Variants in BRINP3 observed in about 807,000 individuals in gnomAD.
The protein encoded by BRINP3 is BMP/retinoic acid inducible neural specific 3.
A neutral mutation model predicts 71.0 loss-of-function variants in BRINP3; 19 were observed. That is an observed-to-expected ratio of 0.27 (90% CI 0.19 to 0.39). The LOEUF (loss-of-function observed/expected upper bound fraction) is 0.39. Ranked by LOEUF, BRINP3 falls within the 10% of genes least tolerant of loss-of-function variation. BRINP3 has a pLI of 1.00. For missense variants in BRINP3, 959 were observed against 940.8 expected (o/e 1.02, Z -0.25); for synonymous variants, 380 against 337.7 (o/e 1.13, Z -1.37).
In BRINP3 at chr1:190,098,142, C is replaced by T. The variant is rs766832326; in HGVS notation, c.2177G>A (p.Cys726Tyr). 1 of 1,614,134 alleles carries T rather than the reference C, an allele frequency of 6.2e-7. No individual in the cohort carries two copies. Among genetic ancestry groups the T allele is most frequent in the Admixed American group, 1.7e-5 (1 of 60,020 alleles). The part of the protein sequence containing the change: ...PGQRRLDLFS[C>Y]LLRHRLKLST... ...CAGCTTGAGTCTATGACGAAGCAAG[C>T]AAGAGAAAAGATCTAGACGACGCTG... The change falls in exon 8 of 8, where the codon TGC (cysteine) becomes TAC (tyrosine). Residue 726 changes from cysteine (C) to tyrosine (Y), a missense_variant. By Grantham distance (194) the Cys-to-Tyr change is radical. Coordinates refer to ENST00000367462, the MANE Select transcript of BRINP3 (RefSeq NM_199051.3).
intron 4 of BRINP3, among the ~76,000 whole-genome samples, chr1:190,254,321 T>A (rs1342614236): frequency 6.6e-6 from 1 of 152,110 alleles, no homozygotes; most frequent in Non-Finnish European, 1.5e-5. Context: ...AAGTCATTTG[T>A]AGATTGATGG....
intron 2 of BRINP3, among the ~76,000 whole-genome samples, chr1:190,409,153 G>A (rs564688752): frequency 6.6e-6 from 1 of 152,222 alleles, no homozygotes; most frequent in African/African-American, 2.4e-5. Flanking sequence ...TGTAATCCCA[G>A]CACTTTGGGA....
At chr1:190,104,659 C>T (rs1016112082) in intron 7 of BRINP3, among the ~76,000 whole-genome samples, 10 of 151,966 alleles carry the variant, frequency 6.6e-5, no homozygotes, top group Admixed American at 2.6e-4. Context: ...TGTATGACTT[C>T]TTTGTGATCC....
At chr1:190,135,021 T>C (rs897962208) in intron 7 of BRINP3, among the ~76,000 whole-genome samples, 2 of 152,126 alleles carry the variant, frequency 1.3e-5, no homozygotes, top group Non-Finnish European at 1.5e-5. Flanking sequence ...AGTAAATGTA[T>C]ATACATCAAT....
intron 2 of BRINP3, among the ~76,000 whole-genome samples, chr1:190,453,601 C>T (rs1675797126): frequency 6.6e-6 from 1 of 152,020 alleles, no homozygotes; most frequent in Non-Finnish European, 1.5e-5. Context: ...TAAGGGATTT[C>T]TTATTTTTGA....
At chr1:190,106,596 C>T (rs898191502) in intron 7 of BRINP3, among the ~76,000 whole-genome samples, 1 of 151,300 alleles carries the variant, frequency 6.6e-6, no homozygotes. Context: ...AGAGAGGAAG[C>T]TAGAAAAGCA....
intron 7 of BRINP3, among the ~76,000 whole-genome samples, chr1:190,138,784 C>A (rs1655184465): frequency 6.6e-6 from 1 of 152,048 alleles, no homozygotes; most frequent in Non-Finnish European, 1.5e-5. Context: ...TCTTTGTGTC[C>A]AGACCAAGAA....
chr1:190,458,792 A>G (rs573361421), intron 1 of BRINP3, among the ~76,000 whole-genome samples: 2 of 152,124 alleles, frequency 1.3e-5, no homozygotes, highest in Admixed American at 1.3e-4. Context: ...TAATGAATTT[A>G]TCACTTTTTC....
chr1:190,204,643 T>C (rs1164049699), intron 6 of BRINP3, among the ~76,000 whole-genome samples: 1 of 152,024 alleles, frequency 6.6e-6, no homozygotes, highest in East Asian at 1.9e-4. Flanking sequence ...TCAAGTATTA[T>C]ACAGGAGGAA....
chr1:190,256,974 C>T (rs1404007610), intron 4 of BRINP3, among the ~76,000 whole-genome samples: 5 of 152,176 alleles, frequency 3.3e-5, no homozygotes, highest in African/African-American at 7.2e-5. Flanking sequence ...CTTGTGGTTG[C>T]TCTTCTAGAG....
At position 190,338,853 on chromosome 1, in the gene BRINP3, C is replaced by A. The variant is rs1667462656; in HGVS notation, c.237-57103G>T. Among the ~76,000 whole-genome samples, 3 of 151,602 alleles carry A rather than the reference C, an allele frequency of 2.0e-5. No homozygotes were observed. In the South Asian group the frequency reaches 6.2e-4, roughly 31 times the overall value. ...ACTATCATATAGGACCTTCATTTCA[C>A]AAAGGACTAAAAACATAGTTATCAA... is the stretch of plus-strand genomic sequence containing the variant. On this transcript the variant is annotated intron_variant, in intron 2 of 7. Coordinates refer to ENST00000367462, the MANE Select transcript of BRINP3 (RefSeq NM_199051.3).
intron 2 of BRINP3, among the ~76,000 whole-genome samples, chr1:190,414,863 T>A (rs545013015): frequency 1.1e-4 from 17 of 152,212 alleles, no homozygotes; most frequent in Non-Finnish European, 2.2e-4. Flanking sequence ...GAAGAGGAGC[T>A]GCTGTCATGA....
intron 2 of BRINP3, among the ~76,000 whole-genome samples, chr1:190,397,029 G>C (rs1293178202): frequency 6.6e-6 from 1 of 151,832 alleles, no homozygotes; most frequent in Non-Finnish European, 1.5e-5. Flanking sequence ...TAGGTGATGA[G>C]TCAAAATGCA....
chr1:190,420,242 A>G (rs1306077355), intron 2 of BRINP3, among the ~76,000 whole-genome samples: 2 of 151,984 alleles, frequency 1.3e-5, no homozygotes, highest in Admixed American at 6.6e-5. Context: ...AATTGTCCCA[A>G]TATATCACAC....
intron 6 of BRINP3, among the ~76,000 whole-genome samples, chr1:190,198,338 A>G (rs566028823): frequency 6.6e-6 from 1 of 152,284 alleles, no homozygotes; most frequent in South Asian, 2.1e-4. Flanking sequence ...ACTTACACAA[A>G]TTTCTGCAGC....
At chr1:190,118,260 TTATAA>T (rs1264386185) in intron 7 of BRINP3, among the ~76,000 whole-genome samples, 1 of 152,082 alleles carries the variant, frequency 6.6e-6, no homozygotes, top group Non-Finnish European at 1.5e-5. Context: ...GTAGTGCCTA[TTATAA>T]TAGAAAGTCT....
intron 7 of BRINP3, among the ~76,000 whole-genome samples, chr1:190,123,042 G>T (rs931659910): frequency 2.0e-5 from 3 of 152,088 alleles, no homozygotes; most frequent in Non-Finnish European, 4.4e-5. Flanking sequence ...GAGTGTGCCA[G>T]ACTTCAAGAT....
chr1:190,219,483 T>A (rs1656686286), intron 6 of BRINP3, among the ~76,000 whole-genome samples: 1 of 152,036 alleles, frequency 6.6e-6, no homozygotes, highest in Non-Finnish European at 1.5e-5. Context: ...ATTAGAGGTC[T>A]CAACAGTAGA....
At chr1:190,438,666 A>G (rs567407021) in intron 2 of BRINP3, among the ~76,000 whole-genome samples, 2 of 151,980 alleles carry the variant, frequency 1.3e-5, no homozygotes, top group East Asian at 3.9e-4. Flanking sequence ...ATTTAATTCC[A>G]TGGTGATTAG....
Sources: gnomAD v4.1 joint callset for allele counts (sites outside exome capture counted in the v4.1 genomes callset) on GRCh38, gnomAD v4.1.1 for gene constraint, MANE v1.5 for transcripts, NCBI Gene and HGNC (gene_info 2026-07-23, HGNC 2026-07-21) for gene names.